Variants in AKAP19 observed in about 807,000 individuals in gnomAD.
AKAP19 encodes small A-kinase anchoring protein.
At chr2:189,913,713 T>G in the AKAP19 span, among the ~76,000 whole-genome samples, 1 of 152,152 alleles carries the variant, frequency 6.6e-6, no homozygotes, top group Non-Finnish European at 1.5e-5. Flanking sequence ...TGTTACCTCA[T>G]AATTTTGATG....
At chr2:189,953,051 T>G in the AKAP19 span, among the ~76,000 whole-genome samples, 1 of 152,152 alleles carries the variant, frequency 6.6e-6, no homozygotes, top group Non-Finnish European at 1.5e-5. Flanking sequence ...GTAGGGATTG[T>G]GTCTTTTCTT....
At chr2:189,899,006 GT>G in the AKAP19 span, among the ~76,000 whole-genome samples, 1 of 151,956 alleles carries the variant, frequency 6.6e-6, no homozygotes, top group Admixed American at 6.6e-5. Context: ...GACATGTTAA[GT>G]TGCTTGAACT....
the AKAP19 span, among the ~76,000 whole-genome samples, chr2:189,989,637 T>C: frequency 6.6e-6 from 1 of 152,154 alleles, no homozygotes. Flanking sequence ...CATTTCTAAA[T>C]GTATATTCTC....
At chr2:190,161,809 C>T in the AKAP19 span, among the ~76,000 whole-genome samples, 5 of 151,844 alleles carry the variant, frequency 3.3e-5, no homozygotes, top group African/African-American at 4.8e-5. Flanking sequence ...CTCTCAGCCA[C>T]GAAAAAGAAA....
the AKAP19 span, among the ~76,000 whole-genome samples, chr2:189,965,638 TA>T: frequency 2.9e-3 from 424 of 146,578 alleles, 1 homozygote; most frequent in Non-Finnish European, 4.3e-3. Flanking sequence ...AATAAAAAAA[TA>T]AAAAAAAAAA....
chr2:189,890,187 AG>A, the AKAP19 span, among the ~76,000 whole-genome samples: 6 of 152,334 alleles, frequency 3.9e-5, no homozygotes, highest in East Asian at 9.6e-4. Context: ...TTTACCCAGT[AG>A]TCATTCAGGA....
the AKAP19 span, among the ~76,000 whole-genome samples, chr2:189,973,431 T>G: frequency 6.6e-6 from 1 of 152,194 alleles, no homozygotes; most frequent in African/African-American, 2.4e-5. Context: ...TCAGGGATAT[T>G]GGTCTAAAAT....
At chr2:190,111,695 A>G in the AKAP19 span, among the ~76,000 whole-genome samples, 2 of 152,016 alleles carry the variant, frequency 1.3e-5, no homozygotes, top group South Asian at 4.1e-4. Flanking sequence ...AGAAAGAGAG[A>G]GATGTCAAGA....
chr2:190,044,064 G>T, the AKAP19 span, among the ~76,000 whole-genome samples: 2 of 152,176 alleles, frequency 1.3e-5, no homozygotes, highest in African/African-American at 4.8e-5. Flanking sequence ...GCTCCCCTGT[G>T]TTTCCTCACA....
At chr2:190,195,355 G>T in the AKAP19 span, among the ~76,000 whole-genome samples, 2 of 152,156 alleles carry the variant, frequency 1.3e-5, no homozygotes, top group African/African-American at 4.8e-5. Flanking sequence ...CAGAACTGCT[G>T]GATCATACAG....
At chr2:190,125,716 A>T in the AKAP19 span, among the ~76,000 whole-genome samples, 1 of 152,182 alleles carries the variant, frequency 6.6e-6, no homozygotes, top group East Asian at 1.9e-4. Context: ...AGTGAAATAA[A>T]AGTTAATGGA....
At chr2:190,124,897 T>C in the AKAP19 span, among the ~76,000 whole-genome samples, 1 of 152,296 alleles carries the variant, frequency 6.6e-6, no homozygotes, top group East Asian at 1.9e-4. Context: ...TTTAAACTTT[T>C]TTGTTAAAAT....
chr2:190,124,684 T>C, the AKAP19 span, among the ~76,000 whole-genome samples: 1 of 152,174 alleles, frequency 6.6e-6, no homozygotes, highest in Admixed American at 6.5e-5. Context: ...CACTCTAGCC[T>C]GGGTGACAGA....
At chr2:189,905,577 A>G in the AKAP19 span, among the ~76,000 whole-genome samples, 7 of 151,982 alleles carry the variant, frequency 4.6e-5, no homozygotes, top group Non-Finnish European at 8.8e-5. Flanking sequence ...CCTTGAATTC[A>G]TTACCAGTAT....
the AKAP19 span, among the ~76,000 whole-genome samples, chr2:190,078,801 C>T: frequency 6.6e-6 from 1 of 151,542 alleles, no homozygotes; most frequent in Non-Finnish European, 1.5e-5. Flanking sequence ...AGGATTTTAC[C>T]CTCTGATCAA....
At chr2:190,009,441 A>G in the AKAP19 span, among the ~76,000 whole-genome samples, 1 of 152,172 alleles carries the variant, frequency 6.6e-6, no homozygotes, top group African/African-American at 2.4e-5. Context: ...GATATATTGG[A>G]TGTGCTATTG....
the AKAP19 span, among the ~76,000 whole-genome samples, chr2:190,061,538 AAGG>A: frequency 6.6e-6 from 1 of 152,058 alleles, no homozygotes. Context: ...GTCAAGGTAC[AAGG>A]AGGACTTTGT....
chr2:189,886,656 G>A, the AKAP19 span, among the ~76,000 whole-genome samples: 2 of 152,196 alleles, frequency 1.3e-5, no homozygotes, highest in Non-Finnish European at 2.9e-5. Context: ...TCAGCTTCAT[G>A]AAGAAAATGG....
chr2:189,957,341 A>G, the AKAP19 span, among the ~76,000 whole-genome samples: 1 of 152,212 alleles, frequency 6.6e-6, no homozygotes, highest in Non-Finnish European at 1.5e-5. Context: ...TGGTAGACAA[A>G]TGACATCCGC....
Sources: allele counts gnomAD v4.1 joint callset (sites outside exome capture counted in the v4.1 genomes callset), GRCh38; gene constraint gnomAD v4.1.1; transcripts MANE v1.5; gene names NCBI Gene and HGNC (gene_info 2026-07-23, HGNC 2026-07-21).